Variants in NCKAP1 observed in about 807,000 individuals in gnomAD.
NCKAP1 encodes NCK associated protein 1.
In NCKAP1, 21 loss-of-function variants were observed where a neutral mutation model predicts 151.2. The observed-to-expected ratio is 0.14, with a 90% CI of 0.10 to 0.20. The LOEUF (loss-of-function observed/expected upper bound fraction) is 0.20, where lower values mean the gene tolerates loss of function less well. Ranked by LOEUF, NCKAP1 falls within the 10% of genes least tolerant of loss-of-function variation. The pLI, the probability that NCKAP1 is intolerant of heterozygous loss-of-function variation, is 1.00. For missense variants in NCKAP1, 933 were observed against 1,352.1 expected, an observed-to-expected ratio of 0.69 and a Z score of 4.86; for synonymous variants, 484 against 451.8, an observed-to-expected ratio of 1.07 and a Z score of -0.90.
chr2:182,975,660 A>C (rs1220910821), intron 15 of NCKAP1, among the ~76,000 whole-genome samples: 1 of 152,182 alleles, frequency 6.6e-6, no homozygotes, highest in Admixed American at 6.5e-5. Flanking sequence ...TAATCCCAGC[A>C]CTTTGGGAGG....
chr2:183,031,993 T>C (rs1699012788), intron 1 of NCKAP1, among the ~76,000 whole-genome samples: 1 of 152,164 alleles, frequency 6.6e-6, no homozygotes, highest in Admixed American at 6.5e-5. Context: ...GGAAAAGAAA[T>C]TACAGGTATT....
At chr2:183,017,837 A>C (rs80206451) in intron 2 of NCKAP1, among the ~76,000 whole-genome samples, 2,340 of 152,340 alleles carry the variant, frequency 0.015, 65 homozygotes, top group African/African-American at 0.054. Flanking sequence ...TCAAAGAGGT[A>C]AATGTTAAGT....
At chr2:182,972,787 T>C (rs1212216952) in intron 15 of NCKAP1, among the ~76,000 whole-genome samples, 1 of 152,164 alleles carries the variant, frequency 6.6e-6, no homozygotes, top group Non-Finnish European at 1.5e-5. Flanking sequence ...TTAAGTGAAA[T>C]AAGCCAGGCA....
intron 5 of NCKAP1, 36 bp downstream of exon 5, chr2:183,002,091 G>T: frequency 6.2e-7 from 1 of 1,612,096 alleles, no homozygotes; most frequent in Non-Finnish European, 8.5e-7. Flanking sequence ...CCATCAAACT[G>T]AGCATTTTAG....
At chr2:182,945,203 C>T (rs1358438633) in intron 23 of NCKAP1, among the ~76,000 whole-genome samples, 1 of 151,536 alleles carries the variant, frequency 6.6e-6, no homozygotes, top group African/African-American at 2.4e-5. Context: ...CCATTGCACT[C>T]CAGCCTGGGT....
intron 2 of NCKAP1, among the ~76,000 whole-genome samples, chr2:183,004,432 C>T (rs1220549656): frequency 3.0e-5 from 4 of 134,838 alleles, no homozygotes; most frequent in Non-Finnish European, 6.1e-5. Flanking sequence ...GTGAGCCTAA[C>T]ATCAGAGGAA....
chr2:182,930,792 A>AT lies in NCKAP1; in HGVS notation c.2860-5dup, dbSNP rs544480697. ...ACTCATACACATTCATTGCAACCTG[A>AT]TAAAAACAAAAGAATTACAGAGCAA... is the stretch of plus-strand genomic sequence containing the variant. On this transcript the variant is annotated splice_polypyrimidine_tract_variant and splice_region_variant and intron_variant, in intron 26 of 30. Coordinates refer to ENST00000361354, the MANE Select transcript of NCKAP1 (RefSeq NM_013436.5). 203 of 1,609,516 alleles carry AT rather than the reference A, an allele frequency of 1.3e-4. No individual in the cohort carries two copies. The African/African-American group carries it at 2.5e-3, about 19-fold the overall frequency.
chr2:182,927,108 T>A (rs547889324), intron 29 of NCKAP1: 313 of 437,492 alleles, frequency 7.2e-4, no homozygotes, highest in Non-Finnish European at 1.0e-3. Context: ...GACACTAACA[T>A]AATAAATGTA....
intron 9 of NCKAP1, among the ~76,000 whole-genome samples, chr2:182,987,992 C>T (rs540022364): frequency 6.6e-6 from 1 of 152,062 alleles, no homozygotes; most frequent in African/African-American, 2.4e-5. Context: ...GTGATGATGC[C>T]GGAGTTTTCA....
rs755060033 is a variant in NCKAP1 at position 182,976,946 on chromosome 2, C to G, written c.1429G>C (p.Asp477His). 1.3e-6 allele frequency: 2 copies of G among 1,528,264 alleles called. No homozygotes were observed. Among genetic ancestry groups the G allele is most frequent in the Admixed American group, 4.0e-5 (2 of 49,542 alleles). 94.7% of individuals were successfully genotyped at this position (1,528,264 alleles called of 1,614,324 possible). ...MTSLSVKQVE[D>H]GEVFDFRGMR... is the part of the protein sequence containing the mutation. ...CCTCTGAAATCAAATACTTCCCCAT[C>G]TTCAACTGTAGTAATAGAAAAAAAA... is the stretch of plus-strand genomic sequence containing the variant. The change falls in exon 15 of 31, where the codon GAT becomes CAT. Residue 477 changes from aspartate (D) to histidine (H), a missense_variant. Physicochemically the swap from Asp to His is moderately conservative, Grantham distance 81. Coordinates refer to ENST00000361354, the MANE Select transcript of NCKAP1 (RefSeq NM_013436.5).
chr2:182,978,246 A>G (rs1037186097), intron 14 of NCKAP1, among the ~76,000 whole-genome samples: 13 of 152,226 alleles, frequency 8.5e-5, no homozygotes, highest in African/African-American at 3.1e-4. Context: ...TTAAAAGACT[A>G]TAAAACTAAA....
rs1418665966 is a variant in NCKAP1 at position 182,911,760 on chromosome 2, CAG to C, written c.*13940_*13941del. On this transcript the variant is annotated 3_prime_UTR_variant, in exon 31 of 31. Transcript: ENST00000361354. ...AATTATTAAAAAAAAACAAAACAAA[CAG>C]AACCGCTTTTGGAGAAACTTGCCCT... 2 of 151,708 alleles carry C rather than the reference CAG, an allele frequency of 1.3e-5. No individual in the cohort carries two copies. Among genetic ancestry groups the C allele is most frequent in the East Asian group, 3.9e-4 (2 of 5,176 alleles). 9.4% of individuals were successfully genotyped at this position (151,708 alleles called of 1,614,324 possible).
chr2:183,003,536 A>G (rs1286729841), intron 2 of NCKAP1, among the ~76,000 whole-genome samples: 1 of 152,148 alleles, frequency 6.6e-6, no homozygotes, highest in Non-Finnish European at 1.5e-5. Context: ...AACAAATCAA[A>G]GCATATTAGT....
chr2:182,997,500 C>T (rs1698293154), intron 6 of NCKAP1, among the ~76,000 whole-genome samples: 1 of 152,046 alleles, frequency 6.6e-6, no homozygotes, highest in African/African-American at 2.4e-5. Flanking sequence ...ATTATCTACC[C>T]AAGTCATTCA....
At chr2:182,957,405 G>T in intron 19 of NCKAP1, 52 bp downstream of exon 19, 1 of 1,546,756 alleles carries the variant, frequency 6.5e-7, no homozygotes, top group Non-Finnish European at 8.7e-7. Context: ...AGAAAAAAAT[G>T]AAATAAATAT....
intron 11 of NCKAP1, 71 bp from the exon 12 acceptor site, chr2:182,982,998 T>C: frequency 8.7e-7 from 1 of 1,150,246 alleles, no homozygotes; most frequent in Non-Finnish European, 1.2e-6. Flanking sequence ...TCTTTCTATG[T>C]GAAAAGTCAT....
At chr2:182,956,241 T>G (rs1697324678) in intron 20 of NCKAP1, among the ~76,000 whole-genome samples, 1 of 152,052 alleles carries the variant, frequency 6.6e-6, no homozygotes, top group Non-Finnish European at 1.5e-5. Context: ...GGGGTTTCAC[T>G]GTGTTAGCCA....
At position 182,923,096 on chromosome 2, in the gene NCKAP1, T is replaced by A. The variant is rs1219120367; in HGVS notation, c.*2606A>T. On this transcript the variant is annotated 3_prime_UTR_variant, in exon 31 of 31. Transcript: ENST00000361354. ...GGTCACCTTTTTGCTCACCATTACA[T>A]GCAGGCATCTAAAAATACTTGCTTA... 6.6e-6 allele frequency: 1 copy of A among 152,146 alleles called. No individual in the cohort carries two copies. The highest frequency in any genetic ancestry group is 1.5e-5 in the Non-Finnish European group (1 of 68,024). The allele number at this position is 152,146 out of a possible 1,614,324, so 9.4% of individuals were successfully genotyped here. A position where few individuals can be genotyped will look rare whatever the true frequency, so the allele number is the denominator to read the frequency against.
intron 23 of NCKAP1, among the ~76,000 whole-genome samples, chr2:182,946,755 G>T (rs373896019): frequency 1.5e-5 from 2 of 135,698 alleles, no homozygotes; most frequent in African/African-American, 2.8e-5. Flanking sequence ...AAAAAAAAAG[G>T]AAACAGCAGA....
Sources: allele counts gnomAD v4.1 joint callset (sites outside exome capture counted in the v4.1 genomes callset), GRCh38; gene constraint gnomAD v4.1.1; transcripts MANE v1.5; gene names NCBI Gene and HGNC (gene_info 2026-07-23, HGNC 2026-07-21).